Variants in KIF21B observed in about 807,000 individuals in gnomAD.
KIF21B encodes kinesin family member 21B, also known as kinesin-like protein KIF21B.
In KIF21B, 85 loss-of-function variants were observed where a neutral mutation model predicts 192.9. The observed-to-expected ratio is 0.44, with a 90% confidence interval of 0.37 to 0.53. KIF21B has a LOEUF of 0.53. KIF21B is among the 20% of genes least tolerant of loss of function. KIF21B has a pLI of 0.00. For synonymous variants in KIF21B, 832 were observed against 884.6 expected, an observed-to-expected ratio of 0.94 and a Z score of 1.05; for missense variants, 1,716 against 2,194.8, an observed-to-expected ratio of 0.78 and a Z score of 4.36.
In KIF21B at chr1:201,023,614, G is replaced by A. The variant is rs192321957; in HGVS notation, c.-231C>T. On this transcript the variant is annotated 5_prime_UTR_variant, in exon 1 of 35. Transcript: ENST00000461742. This position sits in a 1 kb window ranked among gnomAD's most constrained non-coding sequence, Gnocchi z 5.9. Reference sequence around the variant, plus strand: ...TCCTCGCGCCATCGGGCGGCGGCGCGGAGCTAGCTGACAGCCGGCGGCGCG... The same window carrying A: ...TCCTCGCGCCATCGGGCGGCGGCGCAGAGCTAGCTGACAGCCGGCGGCGCG... 0.012 allele frequency: 1,778 copies of A among 150,702 alleles called. 39 individuals are homozygous for A. Among genetic ancestry groups the A allele is most frequent in the African/African-American group, 0.04 (1,652 of 41,206 alleles). The allele number at this position is 150,702 out of a possible 1,614,324, so 9.3% of individuals were successfully genotyped here. A position where few individuals can be genotyped will look rare whatever the true frequency, so the allele number is the denominator to read the frequency against.
chr1:201,019,787 G>C (rs1433250090), intron 1 of KIF21B, among the ~76,000 whole-genome samples: 1 of 152,098 alleles, frequency 6.6e-6, no homozygotes, highest in African/African-American at 2.4e-5. Flanking sequence ...ACTGGACACA[G>C]GTGGCATTGA....
intron 27 of KIF21B, among the ~76,000 whole-genome samples, chr1:200,983,619 T>G (rs1656096916): frequency 6.6e-6 from 1 of 152,210 alleles, no homozygotes; most frequent in Non-Finnish European, 1.5e-5. Context: ...AGAAGTTGGC[T>G]GTGCACCATG....
intron 16 of KIF21B, 45 bp downstream of exon 16, chr1:200,992,237 T>C (rs1656745836): frequency 3.2e-6 from 5 of 1,571,848 alleles, no homozygotes; most frequent in Non-Finnish European, 4.3e-6. Context: ...AGGCTGGGAG[T>C]GCTAGGGCCA....
At chr1:201,006,132 CCTGA>C (rs976811154) in intron 3 of KIF21B, among the ~76,000 whole-genome samples, 1 of 152,228 alleles carries the variant, frequency 6.6e-6, no homozygotes, top group African/African-American at 2.4e-5. Context: ...GTGCCCTAGC[CCTGA>C]CTGTCTCTGA....
chr1:200,980,245 T>C (rs1655828884), intron 29 of KIF21B, among the ~76,000 whole-genome samples: 1 of 152,182 alleles, frequency 6.6e-6, no homozygotes. Context: ...AATGAAAGAG[T>C]AAATAAAGAA....
chr1:200,984,007 C>T (rs1332252713), intron 27 of KIF21B, among the ~76,000 whole-genome samples: 1 of 152,188 alleles, frequency 6.6e-6, no homozygotes, highest in Non-Finnish European at 1.5e-5. Flanking sequence ...ACCCCTGGGG[C>T]AGGGAAGCCT....
chr1:200,997,738 G>T (rs1657166718), intron 14 of KIF21B, among the ~76,000 whole-genome samples: 1 of 127,206 alleles, frequency 7.9e-6, no homozygotes, highest in East Asian at 2.3e-4. Context: ...AGAGATTTTT[G>T]ATTTGTTTTG....
At chr1:200,978,566 A>G (rs537098208) in intron 30 of KIF21B, among the ~76,000 whole-genome samples, 12 of 152,266 alleles carry the variant, frequency 7.9e-5, no homozygotes, top group African/African-American at 2.9e-4. Context: ...AGTTTATGTT[A>G]GAGTTCACTC....
rs1205642456 is a variant in KIF21B, at chr1:200,972,495, G to C, written c.*1026C>G. ...CCTGGGCTGTGGGGTGAGCGCCCCCGCCTTCCCGGGGGCGCTGGGCACAAG... is the reference window on the plus strand; with the variant it reads ...CCTGGGCTGTGGGGTGAGCGCCCCCCCCTTCCCGGGGGCGCTGGGCACAAG... On this transcript the variant is annotated 3_prime_UTR_variant, in exon 35 of 35. Coordinates refer to ENST00000461742, the MANE Select transcript of KIF21B (RefSeq NM_001252102.2). 1 of 152,482 alleles carries C rather than the reference G, an allele frequency of 6.6e-6. No homozygotes were observed. Among genetic ancestry groups the C allele is most frequent in the African/African-American group, 2.4e-5 (1 of 41,432 alleles). The allele number at this position is 152,482 out of a possible 1,614,324, so 9.4% of individuals were successfully genotyped here. A position where few individuals can be genotyped will look rare whatever the true frequency, so the allele number is the denominator to read the frequency against.
rs1657515814 is a variant in KIF21B at position 201,001,814 on chromosome 1, C to G, written c.1402+347G>C. On this transcript the variant is annotated intron_variant, in intron 9 of 34. Transcript: ENST00000461742. ...GAATGTATATGAATACATATTCATA[C>G]TTGAAACAAATACTGAGAAAGGTGT... 12 of 306,378 alleles carry G rather than the reference C, an allele frequency of 3.9e-5. No homozygotes were observed. In the South Asian group the frequency reaches 6.0e-4, roughly 15 times the overall value. The allele number at this position is 306,378 out of a possible 1,614,324, so 19.0% of individuals were successfully genotyped here.
At chr1:200,985,700 A>T (rs1212243025) in intron 26 of KIF21B, among the ~76,000 whole-genome samples, 4 of 151,208 alleles carry the variant, frequency 2.6e-5, no homozygotes, top group Non-Finnish European at 4.4e-5. Flanking sequence ...GCCATTCTGC[A>T]TTGATCTCTT....
chr1:201,000,004 C>T lies in KIF21B; in HGVS notation c.1686-40G>A. Reference sequence around the variant, plus strand: ...CAGGGAAGCTGGATTAGGAAGGCTGCCCCTGCCCTGAGCACATGGGCAGGA... The same window carrying T: ...CAGGGAAGCTGGATTAGGAAGGCTGTCCCTGCCCTGAGCACATGGGCAGGA... On this transcript the variant is annotated intron_variant, in intron 11 of 34. Coordinates refer to ENST00000461742, the MANE Select transcript of KIF21B (RefSeq NM_001252102.2). This position sits in a 1 kb window ranked among gnomAD's most constrained non-coding sequence, Gnocchi z 6.0. 2.5e-6 allele frequency: 4 copies of T among 1,582,904 alleles called. No homozygotes were observed. Among genetic ancestry groups the T allele is most frequent in the Non-Finnish European group, 1.7e-6 (2 of 1,153,508 alleles).
At position 200,975,541 on chromosome 1, in the gene KIF21B, G is replaced by A. The variant is rs151268915; in HGVS notation, c.4572C>T (p.Asn1524=). 3.7e-4 allele frequency: 602 copies of A among 1,613,652 alleles called. 1 individual carries two copies. Among genetic ancestry groups the A allele is most frequent in the East Asian group, 3.8e-4 (17 of 44,862 alleles). The change falls in exon 33 of 35, where the codon AAC becomes AAT. Residue 1524 remains asparagine (N), a synonymous_variant. Transcript: ENST00000461742. This position sits in a 1 kb window ranked among gnomAD's most constrained non-coding sequence, Gnocchi z 4.3. ...GDILFSGSRD[N]GIKKWDLDQQ... is the part of the protein sequence containing the mutation. Reference sequence around the variant, plus strand: ...GGTCTAGGTCCCACTTCTTGATGCCGTTATCTCGGGAGCCACTGAACAGGA... The same window carrying A: ...GGTCTAGGTCCCACTTCTTGATGCCATTATCTCGGGAGCCACTGAACAGGA...
rs373904631 is a variant in KIF21B at position 200,976,751 on chromosome 1, G to A, written c.4443+25C>T. On this transcript the variant is annotated intron_variant, in intron 32 of 34. Transcript: ENST00000461742. ...TTGGGGAGAGTGGAAGACCAGCCCCGACCCAGGCCTCATAGCTGAGGTACC... is the reference window on the plus strand; with the variant it reads ...TTGGGGAGAGTGGAAGACCAGCCCCAACCCAGGCCTCATAGCTGAGGTACC... The A allele has an allele frequency of 6.7e-5, 100 of 1,490,004 alleles. No homozygotes were observed. In the African/African-American group the frequency reaches 9.7e-4, roughly 14 times the overall value. 92.3% of individuals were successfully genotyped at this position (1,490,004 alleles called of 1,614,324 possible).
chr1:200,990,615 G>T lies in KIF21B; in HGVS notation c.2796C>A (p.Thr932=). 1.9e-6 allele frequency: 3 copies of T among 1,614,132 alleles called. No homozygotes were observed. The highest frequency in any genetic ancestry group is 2.5e-6 in the Non-Finnish European group (3 of 1,180,014). ...RIIDIVMQRM[T]IVNLEADMER... ...CCATGTCAGCCTCCAGGTTGACAAT[G>T]GTCATTCTCTGCATGACGATGTCAA... The change falls in exon 19 of 35, where the codon ACC becomes ACA. Residue 932 remains threonine, a synonymous_variant. Transcript: ENST00000461742. This position sits in a 1 kb window ranked among gnomAD's most constrained non-coding sequence, Gnocchi z 5.4.
intron 2 of KIF21B, 151 bp downstream of exon 2, chr1:201,009,115 C>T: frequency 9.2e-7 from 1 of 1,084,292 alleles, no homozygotes; most frequent in South Asian, 1.6e-5. Context: ...GACAGCCCTC[C>T]CTCTGCTAAC....
Position 201,003,792 on chromosome 1 carries a change from A to G in KIF21B, c.1017-11T>C. 2 of 1,614,158 alleles carry G rather than the reference A, an allele frequency of 1.2e-6. No homozygotes were observed. The highest frequency in any genetic ancestry group is 1.7e-6 in the Non-Finnish European group (2 of 1,180,000). ...ATCATGATGGTCTGGCTGGGGGTGCAGAAAGGCTGTTGTGAGGGTGAGGGA... is the reference window on the plus strand; with the variant it reads ...ATCATGATGGTCTGGCTGGGGGTGCGGAAAGGCTGTTGTGAGGGTGAGGGA... On this transcript the variant is annotated splice_polypyrimidine_tract_variant and intron_variant, in intron 7 of 34. Transcript: ENST00000461742.
rs1207193294 is a variant in KIF21B at position 200,987,218 on chromosome 1, A to G, written c.3409-17T>C. The G allele has an allele frequency of 6.3e-7, 1 of 1,597,528 alleles. No homozygotes were observed. The highest frequency in any genetic ancestry group is 8.5e-7 in the Non-Finnish European group (1 of 1,170,858). On this transcript the variant is annotated splice_polypyrimidine_tract_variant and intron_variant, in intron 24 of 34. Coordinates refer to ENST00000461742, the MANE Select transcript of KIF21B (RefSeq NM_001252102.2). Reference sequence around the variant, plus strand: ...GGGCTCGCTCTGGGAAAAGAAGAACAGGGTGGATCAACTTGCCCAAATTGC... The same window carrying G: ...GGGCTCGCTCTGGGAAAAGAAGAACGGGGTGGATCAACTTGCCCAAATTGC...
At chr1:200,973,751 A>G in intron 34 of KIF21B, 173 bp from the exon 35 acceptor site, 2 of 1,466,502 alleles carry the variant, frequency 1.4e-6, no homozygotes, top group Non-Finnish European at 1.8e-6. Flanking sequence ...GGTGCTGGGC[A>G]GATGGAGAGG....
Sources: gnomAD v4.1 joint callset for allele counts (sites outside exome capture counted in the v4.1 genomes callset) on GRCh38, gnomAD v4.1.1 for gene constraint, Gnocchi (gnomAD v3.1) non-coding constraint, MANE v1.5 for transcripts, NCBI Gene and HGNC (gene_info 2026-07-23, HGNC 2026-07-21) for gene names.